The following MYO1H variants were observed in gnomAD, a reference collection of about 807,000 sequenced individuals.
The protein encoded by MYO1H is unconventional myosin-Ih.
A neutral mutation model predicts 149.3 loss-of-function variants in MYO1H; 118 were observed. The observed-to-expected ratio is 0.79, with a 90% CI of 0.68 to 0.92. The LOEUF (loss-of-function observed/expected upper bound fraction) is 0.92. MYO1H is among the 40% of genes least tolerant of loss of function. The probability of loss-of-function intolerance (pLI) is 0.00; values close to 1 mark genes in which losing one functional copy is unlikely to be tolerated. For missense variants in MYO1H, 1,212 were observed against 1,280.7 expected, an observed-to-expected ratio of 0.95 and a Z score of 0.82; for synonymous variants, 447 against 465.2, an observed-to-expected ratio of 0.96 and a Z score of 0.50.
At chr12:109,356,863 G>C (rs1324137496) in intron 1 of MYO1H, among the ~76,000 whole-genome samples, 1 of 152,198 alleles carries the variant, frequency 6.6e-6, no homozygotes, top group African/African-American at 2.4e-5. Context: ...TTCAACTGTA[G>C]AGCTGTCAGT....
rs537308124 is a variant in MYO1H, at chr12:109,411,998, T to C, written c.1502+13T>C. 1 of 1,543,178 alleles carries C rather than the reference T, an allele frequency of 6.5e-7. No individual in the cohort carries two copies. The highest frequency in any genetic ancestry group is 2.4e-5 in the East Asian group (1 of 42,282). The stretch of plus-strand genomic sequence containing the variant: ...CACACTTCGAAACGTACATACTTTA[T>C]TTTACCAGATTTTGCATGGGGGAAG... On this transcript the variant is annotated intron_variant, in intron 14 of 31. Coordinates refer to ENST00000310903, the Ensembl canonical transcript of MYO1H.
chr12:109,366,891 A>T (rs1400680583), intron 1 of MYO1H, among the ~76,000 whole-genome samples: 1 of 152,152 alleles, frequency 6.6e-6, no homozygotes, highest in East Asian at 1.9e-4. Context: ...CCGAAACTTT[A>T]TGAGTGCCCA....
At chr12:109,333,106 G>C in the MYO1H span, among the ~76,000 whole-genome samples, 1 of 152,134 alleles carries the variant, frequency 6.6e-6, no homozygotes, top group Non-Finnish European at 1.5e-5. Context: ...GATCACCTGA[G>C]GTCAGGAGTT....
chr12:109,357,405 C>A (rs188871678), intron 1 of MYO1H: 1 of 152,236 alleles, frequency 6.6e-6, no homozygotes, highest in Admixed American at 6.5e-5. Context: ...TTTTAAAATA[C>A]CATTGATTCA....
At chr12:109,429,653 C>T (rs1449297907) in intron 19 of MYO1H, among the ~76,000 whole-genome samples, 2 of 152,118 alleles carry the variant, frequency 1.3e-5, no homozygotes, top group African/African-American at 2.4e-5. Context: ...CAATTCCCCA[C>T]ATACGATGAG....
rs778328539 is a variant in MYO1H at position 109,439,545 on chromosome 12, C to T, written c.2295-86C>T. 2.1e-5 allele frequency: 27 copies of T among 1,312,704 alleles called. 1 individual carries two copies. The highest frequency in any genetic ancestry group is 1.1e-4 in the Admixed American group (5 of 46,050). The allele number at this position is 1,312,704 out of a possible 1,614,324, so 81.3% of individuals were successfully genotyped here. On this transcript the variant is annotated intron_variant, in intron 23 of 31. Coordinates refer to ENST00000310903, the Ensembl canonical transcript of MYO1H. ...TCTCCACAGCCTCTACCACTTTGGC[C>T]GCCTCTGAATCAAAGAAGGGGGAAG...
At chr12:109,352,399 T>G (rs545131647) in intron 1 of MYO1H, among the ~76,000 whole-genome samples, 71 of 152,332 alleles carry the variant, frequency 4.7e-4, no homozygotes, top group African/African-American at 1.6e-3. Context: ...CCAGGGTCTT[T>G]ATGTAATTGT....
At chr12:109,404,963 T>C (rs1304738777) in intron 7 of MYO1H, among the ~76,000 whole-genome samples, 1 of 152,010 alleles carries the variant, frequency 6.6e-6, no homozygotes, top group Non-Finnish European at 1.5e-5. Context: ...GTAATCCTGA[T>C]GCTTTGGGAG....
intron 15 of MYO1H, among the ~76,000 whole-genome samples, chr12:109,418,072 TC>T (rs1477870369): frequency 1.3e-5 from 2 of 152,074 alleles, no homozygotes; most frequent in Non-Finnish European, 2.9e-5. Context: ...CACCTCGGCC[TC>T]CCAAAGTTCT....
intron 1 of MYO1H, among the ~76,000 whole-genome samples, chr12:109,358,851 A>T (rs1442239663): frequency 1.4e-5 from 2 of 146,576 alleles, no homozygotes; most frequent in African/African-American, 5.1e-5. Flanking sequence ...GGTGTTAAAA[A>T]AAAAAAAAAA....
At chr12:109,368,480 AC>A (rs972592266) in intron 1 of MYO1H, among the ~76,000 whole-genome samples, 2 of 152,054 alleles carry the variant, frequency 1.3e-5, no homozygotes, top group African/African-American at 4.8e-5. Context: ...ACGTGGTGAA[AC>A]CCAACCTCTA....
exon 30 of MYO1H, chr12:109,444,467 A>G (rs781477562): frequency 3.7e-6 from 6 of 1,614,002 alleles, no homozygotes; most frequent in Non-Finnish European, 5.1e-6. Context: ...ACGTGTTTGA[A>G]GCAGTTACTA....
At chr12:109,418,435 G>A (rs1003290303) in intron 15 of MYO1H, among the ~76,000 whole-genome samples, 12 of 151,792 alleles carry the variant, frequency 7.9e-5, no homozygotes, top group African/African-American at 2.9e-4. Context: ...TGCAACCTCT[G>A]CCTCCCGGGG....
chr12:109,446,161 C>A, intron 31 of MYO1H: 1 of 985,424 alleles, frequency 1.0e-6, no homozygotes. Flanking sequence ...TAAAATGGAT[C>A]TAACAAGCAC....
chr12:109,426,141 C>T, intron 18 of MYO1H, 90 bp downstream of exon 18: 1 of 833,278 alleles, frequency 1.2e-6, no homozygotes, highest in Non-Finnish European at 2.0e-6. Flanking sequence ...TAAACACCAC[C>T]ACAAGCTTGC....
chr12:109,375,956 G>T (rs1167848055), intron 1 of MYO1H, among the ~76,000 whole-genome samples: 1 of 152,152 alleles, frequency 6.6e-6, no homozygotes, highest in Non-Finnish European at 1.5e-5. Flanking sequence ...TTCGGCGTGG[G>T]CAACAGAGCA....
chr12:109,388,187 T>A (rs1442795669), intron 1 of MYO1H, among the ~76,000 whole-genome samples: 7 of 149,742 alleles, frequency 4.7e-5, no homozygotes, highest in East Asian at 3.8e-4. Context: ...AAATTAATTT[T>A]AAAAAAAGAA....
chr12:109,318,983 T>TTTTTTTTTTTTTTC, the MYO1H span, among the ~76,000 whole-genome samples: 1 of 144,824 alleles, frequency 6.9e-6, no homozygotes, highest in Non-Finnish European at 1.5e-5. Context: ...TTTTTTTTTT[T>TTTTTTTTTTTTTTC]TTTTTTTTTT....
At chr12:109,310,535 TG>T in the MYO1H span, among the ~76,000 whole-genome samples, 1 of 151,528 alleles carries the variant, frequency 6.6e-6, no homozygotes, top group African/African-American at 2.4e-5. Context: ...CCGAAGCGTC[TG>T]GAGTTGTTTT....
Sources: allele counts gnomAD v4.1 joint callset (sites outside exome capture counted in the v4.1 genomes callset), GRCh38; gene constraint gnomAD v4.1.1; transcripts MANE v1.5; gene names NCBI Gene and HGNC (gene_info 2026-07-23, HGNC 2026-07-21).